The following PINX1 variants were observed in gnomAD, a reference collection of about 807,000 sequenced individuals.
PINX1 encodes the protein PIN2/TERF1-interacting telomerase inhibitor 1.
PINX1 carries 34 observed loss-of-function variants against 25.4 expected under a neutral mutation model. The ratio of observed to expected loss-of-function variants is 1.34; its 90% CI spans 1.02 to 1.78. PINX1 has a LOEUF of 1.78. Ranked by LOEUF, PINX1 falls within the 40% of genes most tolerant of loss-of-function variation. PINX1 has a pLI of 0.00. For synonymous variants in PINX1, 197 were observed against 147.7 expected (o/e 1.33, Z -2.42); for missense variants, 592 against 404.9 (o/e 1.46, Z -3.97).
intron 6 of PINX1, among the ~76,000 whole-genome samples, chr8:10,776,994 T>C (rs775419943): frequency 1.1e-4 from 16 of 152,250 alleles, no homozygotes; most frequent in Admixed American, 6.5e-5. Flanking sequence ...CCTCTTCTCC[T>C]GCACTAGACC....
At chr8:10,836,688 G>T (rs540835800) in intron 1 of PINX1, among the ~76,000 whole-genome samples, 8 of 152,060 alleles carry the variant, frequency 5.3e-5, no homozygotes, top group Non-Finnish European at 8.8e-5. Context: ...AAGGATGTTG[G>T]GGGGGCGGGG....
intron 4 of PINX1, among the ~76,000 whole-genome samples, 178 bp from the exon 5 acceptor site, chr8:10,826,422 G>C (rs1798046687): frequency 6.6e-6 from 1 of 152,178 alleles, no homozygotes; most frequent in African/African-American, 2.4e-5. Context: ...CTTTCTAGGA[G>C]TCAAATGATT....
At chr8:10,820,937 TTCTTATTTAAAACAC>T (rs1563231053) in intron 5 of PINX1, among the ~76,000 whole-genome samples, 1 of 152,220 alleles carries the variant, frequency 6.6e-6, no homozygotes, top group African/African-American at 2.4e-5. Flanking sequence ...GGCTCTATGG[TTCTTATTTAAAACAC>T]TAAACTCTTT....
Position 10,808,878 on chromosome 8 carries a change from G to C in PINX1, c.471+11315C>G, listed in dbSNP as rs1802537671. On this transcript the variant is annotated intron_variant, in intron 6 of 6. Coordinates refer to ENST00000314787, the MANE Select transcript of PINX1 (RefSeq NM_017884.6). ...ACAACACAAAAACACAGCCTAAAAA[G>C]CAAGAGCAGCAGAAAAGGAAAAGTT... is the stretch of plus-strand genomic sequence containing the variant. 2.0e-5 allele frequency among the ~76,000 whole-genome samples: 3 copies of C among 152,056 alleles called. No homozygotes were observed. The South Asian group carries it at 6.2e-4, about 31-fold the overall frequency.
intron 6 of PINX1, among the ~76,000 whole-genome samples, chr8:10,782,797 A>G (rs887308985): frequency 2.0e-5 from 3 of 152,218 alleles, no homozygotes; most frequent in African/African-American, 7.2e-5. Flanking sequence ...TTGATCACCA[A>G]TAAAGATAAT....
At chr8:10,805,938 GGGT>G (rs1802436970) in intron 6 of PINX1, among the ~76,000 whole-genome samples, 1 of 72,432 alleles carries the variant, frequency 1.4e-5, no homozygotes, top group African/African-American at 7.9e-5. Flanking sequence ...AGTGCTGAGG[GGGT>G]GACGGAGCAC....
At chr8:10,831,186 C>T (rs1215225487) in intron 4 of PINX1, among the ~76,000 whole-genome samples, 1 of 152,076 alleles carries the variant, frequency 6.6e-6, no homozygotes, top group Non-Finnish European at 1.5e-5. Context: ...ATAAGCCAGG[C>T]ACAGATAAAT....
At position 10,839,814 on chromosome 8, in the gene PINX1, G is replaced by C; in HGVS notation, c.-58C>G. ...CCTGGGTGACTGCGGCCACTGGGCGGGCTGGAGACTCCAGGAGAATCAGGA... is the reference window on the plus strand; with the variant it reads ...CCTGGGTGACTGCGGCCACTGGGCGCGCTGGAGACTCCAGGAGAATCAGGA... On this transcript the variant is annotated 5_prime_UTR_variant, in exon 1 of 7. Transcript: ENST00000314787. 1.9e-6 allele frequency: 3 copies of C among 1,546,172 alleles called. No homozygotes were observed. Among genetic ancestry groups the C allele is most frequent in the Middle Eastern group, 3.4e-4 (2 of 5,950 alleles).
At chr8:10,833,121 C>A in intron 2 of PINX1, 137 bp from the exon 3 acceptor site, 1 of 568,230 alleles carries the variant, frequency 1.8e-6, no homozygotes, top group East Asian at 3.0e-5. Flanking sequence ...TTTCACAAAG[C>A]AACATGGGGG....
rs186251566 is a variant in PINX1, at chr8:10,818,372, C to G, written c.471+1821G>C. Among the ~76,000 whole-genome samples, 21 of 152,318 alleles carry G rather than the reference C, an allele frequency of 1.4e-4. No individual in the cohort carries two copies. The Middle Eastern group carries it at 0.014, about 99-fold the overall frequency. ...TACCAAAGAGTCAAGTAACACCACACAGTGTTGAAAACCTCAAGGCACCCA... is the reference window on the plus strand; with the variant it reads ...TACCAAAGAGTCAAGTAACACCACAGAGTGTTGAAAACCTCAAGGCACCCA... On this transcript the variant is annotated intron_variant, in intron 6 of 6. Coordinates refer to ENST00000314787, the MANE Select transcript of PINX1 (RefSeq NM_017884.6).
At chr8:10,784,022 G>A (rs545390621) in intron 6 of PINX1, among the ~76,000 whole-genome samples, 1 of 152,152 alleles carries the variant, frequency 6.6e-6, no homozygotes, top group Non-Finnish European at 1.5e-5. Context: ...TTAAAGCCTT[G>A]TAAGAATCCC....
chr8:10,795,671 C>T lies in PINX1; in HGVS notation c.471+24522G>A, dbSNP rs138076729. Reference sequence around the variant, plus strand: ...GCCTCAGCCCAATAAAAGTCTTTAACTTGTGACTTTATGACTTATTTTTAT... The same window carrying T: ...GCCTCAGCCCAATAAAAGTCTTTAATTTGTGACTTTATGACTTATTTTTAT... On this transcript the variant is annotated intron_variant, in intron 6 of 6. Transcript: ENST00000314787. Among the ~76,000 whole-genome samples the T allele has an allele frequency of 3.8e-3, 582 of 152,298 alleles. 2 individuals carry two copies. Among genetic ancestry groups the T allele is most frequent in the Non-Finnish European group, 6.8e-3 (463 of 68,032 alleles).
At chr8:10,770,292 C>T (rs1362144664) in intron 6 of PINX1, among the ~76,000 whole-genome samples, 3 of 152,158 alleles carry the variant, frequency 2.0e-5, no homozygotes, top group East Asian at 1.9e-4. Context: ...CTGTGTGTCA[C>T]GATTAGAGCT....
At chr8:10,782,194 T>C (rs965147826) in intron 6 of PINX1, among the ~76,000 whole-genome samples, 5 of 152,040 alleles carry the variant, frequency 3.3e-5, no homozygotes, top group Non-Finnish European at 4.4e-5. Flanking sequence ...TGGGGAGATG[T>C]AGGTCAAAGG....
At chr8:10,814,474 T>C (rs7834323) in intron 6 of PINX1, among the ~76,000 whole-genome samples, 40,261 of 152,148 alleles carry the variant, frequency 0.26, 5,687 homozygotes, top group Admixed American at 0.32. Context: ...CAGCCACAGC[T>C]GTGAAAAACT....
At chr8:10,773,350 G>C (rs1801289911) in intron 6 of PINX1, among the ~76,000 whole-genome samples, 1 of 152,250 alleles carries the variant, frequency 6.6e-6, no homozygotes, top group Non-Finnish European at 1.5e-5. Flanking sequence ...AAGCAGCAGA[G>C]AGGCTGCTAA....
In PINX1 at chr8:10,778,649, C is replaced by A. The variant is rs1376810361; in HGVS notation, c.472-12733G>T. Reference sequence around the variant, plus strand: ...ACAATGCATATCACCATCTGAGACACGTGGCCGCTGTTAAACTTCAGAATG... The same window carrying A: ...ACAATGCATATCACCATCTGAGACAAGTGGCCGCTGTTAAACTTCAGAATG... On this transcript the variant is annotated intron_variant, in intron 6 of 6. Coordinates refer to ENST00000314787, the MANE Select transcript of PINX1 (RefSeq NM_017884.6). Among the ~76,000 whole-genome samples, 6 of 152,306 alleles carry A rather than the reference C, an allele frequency of 3.9e-5. No homozygotes were observed. In the South Asian group the frequency reaches 1.2e-3, roughly 32 times the overall value.
At chr8:10,790,025 T>A (rs116695738) in intron 6 of PINX1, among the ~76,000 whole-genome samples, 1 of 152,170 alleles carries the variant, frequency 6.6e-6, no homozygotes, top group Non-Finnish European at 1.5e-5. Context: ...GAGGCCAGGA[T>A]GCTGTCACAG....
intron 6 of PINX1, among the ~76,000 whole-genome samples, chr8:10,812,395 AGAG>A (rs964874938): frequency 2.4e-4 from 36 of 152,172 alleles, no homozygotes; most frequent in African/African-American, 7.5e-4. Flanking sequence ...CTCCAGAATG[AGAG>A]AAGGTCAGAG....
Sources: gnomAD v4.1 joint callset for allele counts (sites outside exome capture counted in the v4.1 genomes callset) on GRCh38, gnomAD v4.1.1 for gene constraint, MANE v1.5 for transcripts, NCBI Gene and HGNC (gene_info 2026-07-23, HGNC 2026-07-21) for gene names.